DUSP26: variants seen among roughly 807,000 people sequenced by gnomAD.
DUSP26 encodes dual specificity phosphatase 26, also known as dual specificity protein phosphatase 26.
A neutral mutation model predicts 20.0 loss-of-function variants in DUSP26; 12 were observed. That is an observed-to-expected ratio of 0.60 (90% confidence interval 0.38 to 0.97). The LOEUF (loss-of-function observed/expected upper bound fraction) is 0.97. Among genes scored for constraint, DUSP26 ranks in the 50% least tolerant of loss-of-function variants. The pLI is 0.00. For missense variants in DUSP26, 230 were observed against 294.0 expected (o/e 0.78, Z 1.59); for synonymous variants, 120 against 118.8 (o/e 1.01, Z -0.06).
intron 1 of DUSP26, chr8:33,597,833 C>A: frequency 3.6e-6 from 1 of 278,740 alleles, no homozygotes; most frequent in Non-Finnish European, 6.8e-6. Context: ...GGGAGCTGCC[C>A]AGCTGCTAGG....
Position 33,592,058 on chromosome 8 carries a change from C to T in DUSP26, c.591G>A (p.Gln197=), listed in dbSNP as rs1212479415. ...GIIPNRGFLR[Q]LLALDRRLRQ... ...GCAGCCTGCGGTCCAGGGCCAGGAG[C>T]TGCCTCAGGAAGCCCCGGTTGGGGA... The change falls in exon 4 of 4, where the codon CAG becomes CAA. Residue 197 remains glutamine (Q), a synonymous_variant. Coordinates refer to ENST00000256261, the MANE Select transcript of DUSP26 (RefSeq NM_024025.3). The T allele has an allele frequency of 3.7e-6, 6 of 1,614,038 alleles. No individual in the cohort carries two copies. The highest frequency in any genetic ancestry group is 3.3e-5 in the South Asian group (3 of 91,058).
chr8:33,596,112 C>T (rs569047818), intron 2 of DUSP26, among the ~76,000 whole-genome samples: 6 of 152,248 alleles, frequency 3.9e-5, no homozygotes, highest in East Asian at 1.9e-4. Flanking sequence ...GGCTAGACGC[C>T]GTCTCTACTA....
chr8:33,596,521 G>T (rs112317342), intron 2 of DUSP26, among the ~76,000 whole-genome samples: 4,785 of 152,186 alleles, frequency 0.031, 258 homozygotes, highest in African/African-American at 0.11. Flanking sequence ...GGTGGAGGTT[G>T]CAGAGAACCA....
chr8:33,594,948 TC>T (rs1378769982), intron 2 of DUSP26, among the ~76,000 whole-genome samples: 8 of 152,112 alleles, frequency 5.3e-5, no homozygotes, highest in Non-Finnish European at 1.0e-4. Context: ...GGTCTCGAAC[TC>T]CTGACCTTGT....
chr8:33,593,730 C>T lies in DUSP26; in HGVS notation c.239G>A (p.Arg80His), dbSNP rs779341922. 55 of 1,614,022 alleles carry T rather than the reference C, an allele frequency of 3.4e-5. No individual in the cohort carries two copies. The Admixed American group carries it at 4.3e-4, about 13-fold the overall frequency. ...YLGDQDMANN[R>H]RELRRLGITH... ...GATGCCCAGGCGGCGAAGCTCCCGG[C>T]GGTTGTTAGCCATGTCCCTGCATTG... Residue 80 changes from arginine (R) to histidine (H), a missense_variant, in exon 3 of 4, where the codon CGC becomes CAC. Transcript: ENST00000256261.
chr8:33,595,548 T>C (rs1368828313), intron 2 of DUSP26, among the ~76,000 whole-genome samples: 3 of 151,926 alleles, frequency 2.0e-5, no homozygotes, highest in Non-Finnish European at 4.4e-5. Context: ...GCCAGGCTAA[T>C]ATTTGTATTT....
In DUSP26 at chr8:33,591,649, C is replaced by A; in HGVS notation, c.*364G>T. 7.1e-6 allele frequency: 2 copies of A among 281,260 alleles called. No individual in the cohort carries two copies. The highest frequency in any genetic ancestry group is 1.4e-5 in the Non-Finnish European group (2 of 146,864). 17.4% of individuals were successfully genotyped at this position (281,260 alleles called of 1,614,324 possible). A position where few individuals can be genotyped will look rare whatever the true frequency, so the allele number is the denominator to read the frequency against. ...CTGCACAAGTGCAGGGCAGAGATGG[C>A]CCTTTTGTTTTGGTGAGGGAGAGAG... On this transcript the variant is annotated 3_prime_UTR_variant, in exon 4 of 4. Coordinates refer to ENST00000256261, the MANE Select transcript of DUSP26 (RefSeq NM_024025.3).
In DUSP26 at chr8:33,596,079, T is replaced by G. The variant is rs553228670; in HGVS notation, c.221+1216A>C. 1.4e-4 allele frequency among the ~76,000 whole-genome samples: 20 copies of G among 144,972 alleles called. No homozygotes were observed. The South Asian group carries it at 4.2e-3, about 30-fold the overall frequency. The stretch of plus-strand genomic sequence containing the variant: ...CAGGTGGATCACTTGAGGCCAGGAG[T>G]TCAAAATCAGCCTGGCCAACATGGC... On this transcript the variant is annotated intron_variant, in intron 2 of 3. Transcript: ENST00000256261.
At chr8:33,596,110 G>T (rs902846125) in intron 2 of DUSP26, among the ~76,000 whole-genome samples, 6 of 152,002 alleles carry the variant, frequency 3.9e-5, no homozygotes, top group Non-Finnish European at 7.4e-5. Flanking sequence ...ATGGCTAGAC[G>T]CCGTCTCTAC....
chr8:33,595,336 A>G (rs540538339), intron 2 of DUSP26, among the ~76,000 whole-genome samples: 32 of 147,586 alleles, frequency 2.2e-4, no homozygotes, highest in African/African-American at 8.0e-4. Context: ...CATGGCTCAC[A>G]TTTACTGTGA....
chr8:33,599,091 G>C (rs1369795414), intron 1 of DUSP26, among the ~76,000 whole-genome samples: 1 of 151,652 alleles, frequency 6.6e-6, no homozygotes, highest in Non-Finnish European at 1.5e-5. Context: ...GGTCCGGAAG[G>C]AGCACAGAAA....
chr8:33,597,161 C>G, intron 2 of DUSP26, 134 bp downstream of exon 2: 1 of 863,948 alleles, frequency 1.2e-6, no homozygotes, highest in East Asian at 2.7e-5. Context: ...TACTCTTGGC[C>G]CATGTGCCCT....
At chr8:33,593,943 C>A (rs1585377536) in intron 2 of DUSP26, among the ~76,000 whole-genome samples, 196 bp from the exon 3 acceptor site, 1 of 152,186 alleles carries the variant, frequency 6.6e-6, no homozygotes, top group Middle Eastern at 3.4e-3. Context: ...CCTCAGCCTC[C>A]CGGGTAGCTG....
At chr8:33,598,745 A>G (rs1171871458) in intron 1 of DUSP26, among the ~76,000 whole-genome samples, 1 of 152,098 alleles carries the variant, frequency 6.6e-6, no homozygotes, top group Non-Finnish European at 1.5e-5. Flanking sequence ...CAACAATGGC[A>G]AGGCCCCTTC....
intron 2 of DUSP26, among the ~76,000 whole-genome samples, chr8:33,594,107 A>G (rs1023069551): frequency 2.6e-5 from 4 of 151,820 alleles, no homozygotes; most frequent in East Asian, 3.9e-4. Flanking sequence ...GACGTGAGCT[A>G]CCATGCCTGG....
intron 1 of DUSP26, among the ~76,000 whole-genome samples, chr8:33,598,836 C>T (rs1483934210): frequency 6.6e-6 from 1 of 152,078 alleles, no homozygotes; most frequent in African/African-American, 2.4e-5. Flanking sequence ...AATCCCCTTC[C>T]ACTCCCTTCC....
In DUSP26 at chr8:33,591,864, A is replaced by T; in HGVS notation, c.*149T>A. On this transcript the variant is annotated 3_prime_UTR_variant, in exon 4 of 4. Transcript: ENST00000256261. ...TCACTCCCCGTCCCCTCCCACAAAG[A>T]GTGACAGTGGCCTGGGGCTCGGCCT... 2 of 871,480 alleles carry T rather than the reference A, an allele frequency of 2.3e-6. No individual in the cohort carries two copies. Among genetic ancestry groups the T allele is most frequent in the African/African-American group, 1.7e-5 (1 of 58,732 alleles). The allele number at this position is 871,480 out of a possible 1,614,324, so 54.0% of individuals were successfully genotyped here.
Position 33,597,342 on chromosome 8 carries a change from G to A in DUSP26, c.174C>T (p.Ala58=). Residue 58 remains alanine, a synonymous_variant, in exon 2 of 4, where the codon GCC becomes GCT. Coordinates refer to ENST00000256261, the MANE Select transcript of DUSP26 (RefSeq NM_024025.3). ...GCCAGACCTCGTCGGCATGGTTACA[G>A]GCTGTCTTGCCTGTGTAGAGGAGCC... The part of the protein sequence containing the change: ...LERLLYTGKT[A]CNHADEVWPG... 6.2e-7 allele frequency: 1 copy of A among 1,613,916 alleles called. No individual in the cohort carries two copies. Among genetic ancestry groups the A allele is most frequent in the South Asian group, 1.1e-5 (1 of 91,056 alleles).
At chr8:33,598,725 G>C (rs570514533) in intron 1 of DUSP26, among the ~76,000 whole-genome samples, 1 of 152,272 alleles carries the variant, frequency 6.6e-6, no homozygotes, top group South Asian at 2.1e-4. Flanking sequence ...GGGACCTTCA[G>C]GCAGGGAGGC....
Sources: gnomAD v4.1 joint callset for allele counts (sites outside exome capture counted in the v4.1 genomes callset) on GRCh38, gnomAD v4.1.1 for gene constraint, MANE v1.5 for transcripts, NCBI Gene and HGNC (gene_info 2026-07-23, HGNC 2026-07-21) for gene names.